The following ENTREP2 variants were observed in gnomAD, a reference collection of about 807,000 sequenced individuals.
The protein encoded by ENTREP2 is endosomal transmembrane epsin interactor 2, also known as protein ENTREP2.
the ENTREP2 span, among the ~76,000 whole-genome samples, chr15:29,525,926 A>T: frequency 6.6e-6 from 1 of 152,260 alleles, no homozygotes; most frequent in African/African-American, 2.4e-5. Flanking sequence ...CTTTCCTGAC[A>T]TGCACATTCT....
chr15:29,129,529 C>A, the ENTREP2 span, among the ~76,000 whole-genome samples: 3 of 152,242 alleles, frequency 2.0e-5, no homozygotes, highest in Non-Finnish European at 4.4e-5. Flanking sequence ...ATGGCCCAGG[C>A]TGGAGTCCAG....
the ENTREP2 span, among the ~76,000 whole-genome samples, chr15:29,637,265 A>T: frequency 1.3e-5 from 2 of 152,176 alleles, no homozygotes; most frequent in African/African-American, 4.8e-5. Context: ...CCAAAACCCC[A>T]AACACTGAAA....
chr15:29,388,106 A>G, the ENTREP2 span, among the ~76,000 whole-genome samples: 56 of 152,358 alleles, frequency 3.7e-4, no homozygotes, highest in African/African-American at 1.3e-3. Flanking sequence ...AACAAAAGCC[A>G]AAATTGACAA....
the ENTREP2 span, among the ~76,000 whole-genome samples, chr15:29,540,540 C>T: frequency 6.6e-6 from 1 of 152,212 alleles, no homozygotes; most frequent in Admixed American, 6.5e-5. Flanking sequence ...AAGTTCACAA[C>T]ATAAACACGC....
chr15:29,657,489 G>T, the ENTREP2 span, among the ~76,000 whole-genome samples: 5 of 132,210 alleles, frequency 3.8e-5, no homozygotes, highest in East Asian at 4.7e-4. Flanking sequence ...GGGGCGGGGG[G>T]GGGGGGTGGC....
chr15:29,395,454 C>T, the ENTREP2 span, among the ~76,000 whole-genome samples: 8 of 151,860 alleles, frequency 5.3e-5, no homozygotes, highest in Non-Finnish European at 8.8e-5. Flanking sequence ...AATAGAATTA[C>T]CATATGGCTA....
the ENTREP2 span, among the ~76,000 whole-genome samples, chr15:29,414,888 A>G: frequency 1.3e-5 from 2 of 152,240 alleles, no homozygotes; most frequent in African/African-American, 4.8e-5. Context: ...CAAATAAACT[A>G]GAAAATCTAG....
the ENTREP2 span, among the ~76,000 whole-genome samples, chr15:29,284,181 C>T: frequency 6.6e-6 from 1 of 152,282 alleles, no homozygotes; most frequent in South Asian, 2.1e-4. Context: ...TTAGACACAT[C>T]CTTACAAAGC....
the ENTREP2 span, among the ~76,000 whole-genome samples, chr15:29,454,723 T>C: frequency 0.19 from 28,143 of 151,888 alleles, 3,496 homozygotes; most frequent in African/African-American, 0.36. Context: ...AGCTTGGAGG[T>C]AGATACTCCC....
chr15:29,381,597 T>A, the ENTREP2 span, among the ~76,000 whole-genome samples: 6 of 151,720 alleles, frequency 4.0e-5, no homozygotes, highest in Non-Finnish European at 8.8e-5. Context: ...GCACCTCCCA[T>A]GAGAAACACA....
At chr15:29,228,606 G>A in the ENTREP2 span, among the ~76,000 whole-genome samples, 2 of 152,042 alleles carry the variant, frequency 1.3e-5, no homozygotes, top group Admixed American at 6.6e-5. Context: ...ACTTTATACT[G>A]TGTATATTTT....
At chr15:29,580,745 GT>G in the ENTREP2 span, among the ~76,000 whole-genome samples, 1 of 152,206 alleles carries the variant, frequency 6.6e-6, no homozygotes, top group African/African-American at 2.4e-5. Context: ...AGGCAAAGAG[GT>G]TAGGCTGTTT....
At chr15:29,298,173 A>T in the ENTREP2 span, among the ~76,000 whole-genome samples, 1 of 145,774 alleles carries the variant, frequency 6.9e-6, no homozygotes, top group African/African-American at 2.4e-5. Context: ...TCAAAGAAGA[A>T]ATAATCAATA....
At chr15:29,570,771 G>GCAC in the ENTREP2 span, 2 of 668,952 alleles carry the variant, frequency 3.0e-6, no homozygotes, top group Non-Finnish European at 3.7e-6. Flanking sequence ...GGCCCGGCGC[G>GCAC]CGCCGCCGCC....
At chr15:29,344,839 C>G in the ENTREP2 span, among the ~76,000 whole-genome samples, 1 of 151,750 alleles carries the variant, frequency 6.6e-6, no homozygotes. Flanking sequence ...ATGAGGAGTG[C>G]CCTGCTAAAA....
chr15:29,634,317 C>CCT, the ENTREP2 span, among the ~76,000 whole-genome samples: 2 of 152,100 alleles, frequency 1.3e-5, no homozygotes, highest in African/African-American at 4.8e-5. Context: ...GCCAGGACCC[C>CCT]CTCCCAGGAC....
the ENTREP2 span, among the ~76,000 whole-genome samples, chr15:29,222,905 CCAG>C: frequency 6.6e-6 from 1 of 152,210 alleles, no homozygotes; most frequent in African/African-American, 2.4e-5. Context: ...GGTCTCTAAT[CCAG>C]CAGAATAGCA....
chr15:29,539,284 G>T, the ENTREP2 span, among the ~76,000 whole-genome samples: 13 of 145,544 alleles, frequency 8.9e-5, no homozygotes, highest in African/African-American at 3.3e-4. Context: ...TCGGGAACCA[G>T]GCAAGGCCAT....
At chr15:29,643,104 T>C in the ENTREP2 span, among the ~76,000 whole-genome samples, 41 of 152,278 alleles carry the variant, frequency 2.7e-4, no homozygotes, top group African/African-American at 9.1e-4. Flanking sequence ...CAACCTTGGA[T>C]TAAGCAACAT....
Sources: allele counts gnomAD v4.1 joint callset (sites outside exome capture counted in the v4.1 genomes callset), GRCh38; gene constraint gnomAD v4.1.1; transcripts MANE v1.5; gene names NCBI Gene and HGNC (gene_info 2026-07-23, HGNC 2026-07-21).